CHN2: variants seen among roughly 807,000 people sequenced by gnomAD.
The protein encoded by CHN2 is chimerin 2, also known as beta-chimaerin.
In CHN2, 35 loss-of-function variants were observed where a neutral mutation model predicts 56.3. The observed-to-expected ratio is 0.62, with a 90% CI of 0.47 to 0.82. The LOEUF (loss-of-function observed/expected upper bound fraction) is 0.82, where lower values mean the gene tolerates loss of function less well. Ranked by LOEUF, CHN2 falls within the 40% of genes least tolerant of loss-of-function variation. CHN2 has a pLI of 0.00. For missense variants in CHN2, 491 were observed against 580.5 expected (o/e 0.85, Z 1.58); for synonymous variants, 210 against 212.8 (o/e 0.99, Z 0.12).
chr7:29,204,057 T>C (rs1001404545), intron 1 of CHN2, among the ~76,000 whole-genome samples: 9 of 125,700 alleles, frequency 7.2e-5, no homozygotes, highest in African/African-American at 1.4e-4. Flanking sequence ...GCACACGTTT[T>C]TCTCTCTCTC....
At chr7:29,410,038 C>T (rs1043896387) in intron 6 of CHN2, among the ~76,000 whole-genome samples, 1 of 152,186 alleles carries the variant, frequency 6.6e-6, no homozygotes, top group African/African-American at 2.4e-5. Context: ...AGAGCTCTTC[C>T]CAGTGGCTCT....
intron 6 of CHN2, among the ~76,000 whole-genome samples, chr7:29,435,648 T>C (rs189425807): frequency 1.7e-4 from 26 of 152,270 alleles, no homozygotes; most frequent in African/African-American, 6.3e-4. Flanking sequence ...TATTATAATC[T>C]TATGGACCAC....
chr7:29,330,940 C>G (rs1796167898), intron 1 of CHN2, among the ~76,000 whole-genome samples: 1 of 152,072 alleles, frequency 6.6e-6, no homozygotes, highest in Non-Finnish European at 1.5e-5. Context: ...TAAATTTAAC[C>G]CATTTAAACA....
At chr7:29,229,581 C>G (rs1170656576) in intron 1 of CHN2, among the ~76,000 whole-genome samples, 1 of 152,160 alleles carries the variant, frequency 6.6e-6, no homozygotes, top group Non-Finnish European at 1.5e-5. Flanking sequence ...TTTGCTACAG[C>G]TGTGTTTTGC....
intron 1 of CHN2, among the ~76,000 whole-genome samples, chr7:29,283,686 T>C (rs1791909625): frequency 6.6e-6 from 1 of 152,116 alleles, no homozygotes; most frequent in Non-Finnish European, 1.5e-5. Context: ...TGGCACAATC[T>C]TGGCTCACCA....
At chr7:29,285,887 C>T (rs143552402) in intron 1 of CHN2, among the ~76,000 whole-genome samples, 94 of 152,328 alleles carry the variant, frequency 6.2e-4, no homozygotes, top group African/African-American at 2.2e-3. Flanking sequence ...TCAGAGCCCT[C>T]TAGCACCATA....
chr7:29,190,715 T>G (rs999405796), upstream of CHN2, among the ~76,000 whole-genome samples: 3 of 152,204 alleles, frequency 2.0e-5, no homozygotes, highest in African/African-American at 7.2e-5. Context: ...AGTTCTTTCT[T>G]TTGCTGCAGA....
At chr7:29,147,891 A>G (rs1223532411) in intron 2 of CHN2, among the ~76,000 whole-genome samples, 2 of 152,196 alleles carry the variant, frequency 1.3e-5, no homozygotes, top group Non-Finnish European at 2.9e-5. Flanking sequence ...ATTGACATGA[A>G]AGGCCAGATT....
At chr7:29,286,477 C>CTG (rs1445706328) in intron 1 of CHN2, among the ~76,000 whole-genome samples, 2 of 152,094 alleles carry the variant, frequency 1.3e-5, no homozygotes, top group Non-Finnish European at 2.9e-5. Flanking sequence ...AGGGACAAGG[C>CTG]TGTGTTTACC....
At chr7:29,506,532 G>C (rs189446607) in intron 10 of CHN2, among the ~76,000 whole-genome samples, 1 of 152,262 alleles carries the variant, frequency 6.6e-6, no homozygotes, top group East Asian at 1.9e-4. Flanking sequence ...AGCTACTCAG[G>C]AGGCTGAGGC....
At chr7:29,460,247 C>T (rs900240739) in intron 6 of CHN2, among the ~76,000 whole-genome samples, 5 of 152,008 alleles carry the variant, frequency 3.3e-5, no homozygotes, top group Non-Finnish European at 1.5e-5. Flanking sequence ...CCATGCCCCA[C>T]CCGCCCTCAA....
chr7:29,281,444 A>G (rs1197613392), intron 1 of CHN2, among the ~76,000 whole-genome samples: 1 of 152,194 alleles, frequency 6.6e-6, no homozygotes, highest in Non-Finnish European at 1.5e-5. Context: ...GTGCTGCCTC[A>G]TTTCACACAC....
chr7:29,146,886 G>T lies in CHN2; in HGVS notation c.200G>T (p.Arg67Leu), dbSNP rs1248259495. The change falls in exon 2 of 7, where the codon CGA becomes CTA. Residue 67 changes from arginine (R) to leucine (L), a missense_variant. Transcript: ENST00000439384. ...AGCCCAGGATTTACATTTGGAAAGC[G>T]AGTGGTGTTTGATTCCCACTGTTTA... 14 of 1,551,166 alleles carry T rather than the reference G, an allele frequency of 9.0e-6. No individual in the cohort carries two copies. The East Asian group carries it at 3.4e-4, about 38-fold the overall frequency.
At chr7:29,396,240 C>T (rs1029588212) in intron 4 of CHN2, among the ~76,000 whole-genome samples, 2 of 151,882 alleles carry the variant, frequency 1.3e-5, no homozygotes, top group Non-Finnish European at 2.9e-5. Context: ...TTCAGGAGTT[C>T]GAGACCACTC....
rs533667861 is a variant in CHN2 at position 29,317,078 on chromosome 7, G to C, written c.50-37547G>C. ...ATAAGTAACACATCTTGGTAAGGAA[G>C]TCTTGCATTGGCAGAGCATCTGTAG... On this transcript the variant is annotated intron_variant, in intron 1 of 12. Transcript: ENST00000222792. Among the ~76,000 whole-genome samples, 5 of 152,314 alleles carry C rather than the reference G, an allele frequency of 3.3e-5. 1 individual carries two copies. In the South Asian group the frequency reaches 1.0e-3, roughly 32 times the overall value.
intron 1 of CHN2, among the ~76,000 whole-genome samples, chr7:29,273,361 A>ATATATATATGTGTATG (rs1314376292): frequency 1.3e-5 from 1 of 77,754 alleles, no homozygotes; most frequent in African/African-American, 4.8e-5. Flanking sequence ...ATATATATAT[A>ATATATATATGTGTATG]TATATATATA....
intron 6 of CHN2, among the ~76,000 whole-genome samples, chr7:29,425,703 AT>A (rs939051960): frequency 4.5e-4 from 69 of 152,026 alleles, no homozygotes; most frequent in Admixed American, 1.3e-3. Context: ...GGAGGCTATG[AT>A]TTTTTTAAGG....
intron 6 of CHN2, among the ~76,000 whole-genome samples, chr7:29,471,289 C>T (rs79288187): frequency 0.069 from 10,497 of 152,152 alleles, 823 homozygotes; most frequent in African/African-American, 0.2. Flanking sequence ...TGTTGAAATG[C>T]GCGAGATCCT....
At chr7:29,155,415 G>A (rs1051040111) in intron 2 of CHN2, among the ~76,000 whole-genome samples, 3 of 152,192 alleles carry the variant, frequency 2.0e-5, no homozygotes, top group Admixed American at 6.5e-5. Flanking sequence ...GTCATGCTAA[G>A]TGTATCACAC....
Sources: allele counts gnomAD v4.1 joint callset (sites outside exome capture counted in the v4.1 genomes callset), GRCh38; gene constraint gnomAD v4.1.1; transcripts MANE v1.5; gene names NCBI Gene and HGNC (gene_info 2026-07-23, HGNC 2026-07-21).